Variants in OXSR1 observed in about 807,000 individuals in gnomAD.
OXSR1 encodes serine/threonine-protein kinase OSR1.
OXSR1 carries 24 observed loss-of-function variants against 79.8 expected under a neutral mutation model. That is an observed-to-expected ratio of 0.30 (90% confidence interval 0.22 to 0.42). The LOEUF (loss-of-function observed/expected upper bound fraction) is 0.42, where lower values mean the gene tolerates loss of function less well. Among genes scored for constraint, OXSR1 ranks in the 10% least tolerant of loss-of-function variants. The pLI, the probability that OXSR1 is intolerant of heterozygous loss-of-function variation, is 1.00. For synonymous variants in OXSR1, 226 were observed against 209.2 expected, an observed-to-expected ratio of 1.08 and a Z score of -0.69; for missense variants, 430 against 618.4, an observed-to-expected ratio of 0.70 and a Z score of 3.23.
chr3:38,228,359 A>T (rs1702733750), intron 8 of OXSR1, among the ~76,000 whole-genome samples: 1 of 152,230 alleles, frequency 6.6e-6, no homozygotes, highest in African/African-American at 2.4e-5. Context: ...ATTGTTGAGC[A>T]TATGAAAAAA....
rs1180070844 is a variant in OXSR1, at chr3:38,223,443, C to CT, written c.601-353dup. Among the ~76,000 whole-genome samples the CT allele has an allele frequency of 9.6e-3, 1,319 of 137,052 alleles. 9 individuals are homozygous for CT. Among genetic ancestry groups the CT allele is most frequent in the Non-Finnish European group, 0.011 (715 of 62,378 alleles). 89.9% of individuals were successfully genotyped at this position (137,052 alleles called of 152,430 possible). ...CACCGTGCCCCACCTCAGAAGCTAA[C>CT]TTTTTTTTTTTTTTTTGAGGTGGAA... On this transcript the variant is annotated intron_variant, in intron 6 of 17. Transcript: ENST00000311806.
At chr3:38,193,369 ATGG>A in intron 3 of OXSR1, 1 of 1,288,500 alleles carries the variant, frequency 7.8e-7, no homozygotes, top group East Asian at 5.5e-5. Flanking sequence ...ACCTTTCAAG[ATGG>A]TGGTCAAGCA....
chr3:38,204,817 C>T (rs1466023318), intron 4 of OXSR1, among the ~76,000 whole-genome samples: 1 of 150,040 alleles, frequency 6.7e-6, no homozygotes, highest in Non-Finnish European at 1.5e-5. Flanking sequence ...TTGGCTGCCC[C>T]ATTGGTGTCT....
chr3:38,193,885 A>G (rs930941070), intron 3 of OXSR1, among the ~76,000 whole-genome samples: 7 of 152,210 alleles, frequency 4.6e-5, no homozygotes, highest in Admixed American at 3.9e-4. Flanking sequence ...ATTACATCTA[A>G]ACCTTTTAAA....
At chr3:38,195,256 A>C (rs1702053129) in intron 3 of OXSR1, among the ~76,000 whole-genome samples, 1 of 152,240 alleles carries the variant, frequency 6.6e-6, no homozygotes, top group Non-Finnish European at 1.5e-5. Flanking sequence ...GAGTAAGTGT[A>C]GAAATGTAGA....
chr3:38,175,128 A>G (rs1327561429), intron 1 of OXSR1, among the ~76,000 whole-genome samples: 1 of 152,238 alleles, frequency 6.6e-6, no homozygotes, highest in African/African-American at 2.4e-5. Flanking sequence ...AGCCTGGGCT[A>G]GTGCTTTTCT....
intron 1 of OXSR1, among the ~76,000 whole-genome samples, chr3:38,171,650 T>C (rs1304031531): frequency 6.6e-6 from 1 of 152,144 alleles, no homozygotes; most frequent in Admixed American, 6.5e-5. Context: ...AGCCTATAGA[T>C]TGAAAATTCA....
At chr3:38,244,637 CTGTGTGTG>C (rs112035003) in intron 12 of OXSR1, among the ~76,000 whole-genome samples, 5 of 99,502 alleles carry the variant, frequency 5.0e-5, no homozygotes, top group African/African-American at 1.6e-4. Context: ...TAATATTCCT[CTGTGTGTG>C]TGTGTGTGTG....
At chr3:38,212,266 G>A (rs537227649) in intron 4 of OXSR1, among the ~76,000 whole-genome samples, 1 of 152,280 alleles carries the variant, frequency 6.6e-6, no homozygotes, top group African/African-American at 2.4e-5. Context: ...AGGATGTCTT[G>A]CTACTTCTCG....
At position 38,247,703 on chromosome 3, in the gene OXSR1, G is replaced by A; in HGVS notation, c.1293G>A (p.Lys431=). 6.2e-7 allele frequency: 1 copy of A among 1,612,162 alleles called. No individual in the cohort carries two copies. Among genetic ancestry groups the A allele is most frequent in the Non-Finnish European group, 8.5e-7 (1 of 1,178,468 alleles). The change falls in exon 14 of 18, where the codon AAG becomes AAA. Residue 431 remains lysine, a synonymous_variant. Transcript: ENST00000311806. ...CAGGATCAGGTTCACAAGAAACCAA[G>A]ATCCCAATCAGTCTAGTACTAAGAT... ...LSSGSGSQET[K]IPISLVLRLR... is the part of the protein sequence containing the mutation.
rs990657859 is a variant in OXSR1 at position 38,253,281 on chromosome 3, C to G, written c.*390C>G. On this transcript the variant is annotated 3_prime_UTR_variant, in exon 18 of 18. Transcript: ENST00000311806. ...ATCCTGCCTGTTCCCCCACACCTGCCAGGATATGGACATCTTGGGATATCT... is the reference window on the plus strand; with the variant it reads ...ATCCTGCCTGTTCCCCCACACCTGCGAGGATATGGACATCTTGGGATATCT... 7.7e-5 allele frequency: 15 copies of G among 193,808 alleles called. No individual in the cohort carries two copies. The highest frequency in any genetic ancestry group is 3.5e-4 in the African/African-American group (15 of 42,790). The allele number at this position is 193,808 out of a possible 1,614,324, so 12.0% of individuals were successfully genotyped here.
At chr3:38,171,921 C>T (rs918275081) in intron 1 of OXSR1, among the ~76,000 whole-genome samples, 5 of 152,118 alleles carry the variant, frequency 3.3e-5, no homozygotes. Context: ...CTGACATTGC[C>T]TCTTACTAGT....
At chr3:38,217,534 T>C (rs1702506191) in intron 5 of OXSR1, among the ~76,000 whole-genome samples, 1 of 152,174 alleles carries the variant, frequency 6.6e-6, no homozygotes, top group Admixed American at 6.5e-5. Context: ...TTTGTTTGTT[T>C]GTTTGTTTTT....
At chr3:38,215,883 T>C (rs1050010658) in intron 4 of OXSR1, among the ~76,000 whole-genome samples, 2 of 152,196 alleles carry the variant, frequency 1.3e-5, no homozygotes. Flanking sequence ...GTTTTCTAGA[T>C]ATTATAGTAA....
chr3:38,211,411 T>C (rs976905363), intron 4 of OXSR1, among the ~76,000 whole-genome samples: 13 of 152,228 alleles, frequency 8.5e-5, no homozygotes, highest in African/African-American at 3.1e-4. Context: ...ATTATTCCTT[T>C]TGTTCCTATA....
chr3:38,175,086 C>T (rs181514127), intron 1 of OXSR1, among the ~76,000 whole-genome samples: 1 of 152,088 alleles, frequency 6.6e-6, no homozygotes. Context: ...TTGTGTGGTT[C>T]AGGTGACAAT....
At chr3:38,246,834 T>G (rs1703151195) in intron 13 of OXSR1, among the ~76,000 whole-genome samples, 1 of 152,216 alleles carries the variant, frequency 6.6e-6, no homozygotes, top group Non-Finnish European at 1.5e-5. Flanking sequence ...CCTCAGACAC[T>G]GCATACAACA....
At chr3:38,189,789 A>G (rs1701949664) in intron 2 of OXSR1, among the ~76,000 whole-genome samples, 1 of 152,238 alleles carries the variant, frequency 6.6e-6, no homozygotes, top group East Asian at 1.9e-4. Flanking sequence ...GTCAAAAGAA[A>G]TAGGCAATTA....
intron 5 of OXSR1, among the ~76,000 whole-genome samples, chr3:38,220,783 C>CT (rs1257083423): frequency 6.6e-6 from 1 of 152,166 alleles, no homozygotes; most frequent in African/African-American, 2.4e-5. Context: ...ATTAAGGTGT[C>CT]TAACCCTGGC....
Sources: allele counts gnomAD v4.1 joint callset (sites outside exome capture counted in the v4.1 genomes callset), GRCh38; gene constraint gnomAD v4.1.1; transcripts MANE v1.5; gene names NCBI Gene and HGNC (gene_info 2026-07-23, HGNC 2026-07-21).